The following AGPS variants were observed in gnomAD, a reference collection of about 807,000 sequenced individuals.
AGPS encodes the protein alkylglycerone phosphate synthase, also known as alkyldihydroxyacetonephosphate synthase, peroxisomal.
In AGPS, 26 loss-of-function variants were observed where a neutral mutation model predicts 90.7. That is an observed-to-expected ratio of 0.29 (90% CI 0.21 to 0.40). AGPS has a LOEUF of 0.40. Among genes scored for constraint, AGPS ranks in the 10% least tolerant of loss-of-function variants. AGPS has a pLI of 1.00. For synonymous variants in AGPS, 294 were observed against 285.3 expected (o/e 1.03, Z -0.31); for missense variants, 540 against 816.1 (o/e 0.66, Z 4.12).
At chr2:177,494,509 T>G (rs1279172428) in intron 12 of AGPS, among the ~76,000 whole-genome samples, 2 of 152,226 alleles carry the variant, frequency 1.3e-5, no homozygotes. Flanking sequence ...TTCGTTTATA[T>G]GTTATTGTTG....
chr2:177,538,006 G>A (rs2079199168), intron 19 of AGPS, 68 bp from the exon 20 acceptor site: 1 of 1,578,368 alleles, frequency 6.3e-7, no homozygotes, highest in East Asian at 2.2e-5. Flanking sequence ...GTTCACTCAT[G>A]GTCACAAGAT....
intron 19 of AGPS, among the ~76,000 whole-genome samples, chr2:177,525,717 A>C (rs2079079693): frequency 6.6e-6 from 1 of 152,206 alleles, no homozygotes; most frequent in Non-Finnish European, 1.5e-5. Context: ...ATACAGTGTC[A>C]GAAATTCTCT....
At chr2:177,410,131 C>T (rs1453222099) in intron 1 of AGPS, among the ~76,000 whole-genome samples, 1 of 152,174 alleles carries the variant, frequency 6.6e-6, no homozygotes, top group Admixed American at 6.5e-5. Flanking sequence ...TTCTGTTTCT[C>T]CTGCCGAGTA....
chr2:177,452,334 G>T (rs945214914), intron 8 of AGPS, among the ~76,000 whole-genome samples: 1 of 152,030 alleles, frequency 6.6e-6, no homozygotes, highest in African/African-American at 2.4e-5. Context: ...TTCTATTTTT[G>T]CTTGGTGTAT....
At position 177,461,895 on chromosome 2, in the gene AGPS, T is replaced by G. The variant is rs71421600; in HGVS notation, c.873T>G (p.Leu291=). ...AATGTTAAATTTTTGTTTTTCAGCT[T>G]AAAGAAAGTGGTTATTGTACAGGTC... ...GITGQELERQ[L]KESGYCTGHE... The change falls in exon 9 of 20, where the codon CTT becomes CTG. Residue 291 remains leucine (L), a splice_region_variant and synonymous_variant. Coordinates refer to ENST00000264167, the MANE Select transcript of AGPS (RefSeq NM_003659.4). 1 of 1,610,460 alleles carries G rather than the reference T, an allele frequency of 6.2e-7. No individual in the cohort carries two copies. Among genetic ancestry groups the G allele is most frequent in the Non-Finnish European group, 8.5e-7 (1 of 1,177,766 alleles).
chr2:177,457,925 G>A (rs895164523), intron 8 of AGPS, among the ~76,000 whole-genome samples: 3 of 152,112 alleles, frequency 2.0e-5, no homozygotes, highest in South Asian at 2.1e-4. Context: ...ACATCGATGC[G>A]AAAATCCTTA....
intron 6 of AGPS, 46 bp from the exon 7 acceptor site, chr2:177,442,361 A>G: frequency 1.4e-6 from 2 of 1,434,988 alleles, no homozygotes; most frequent in South Asian, 1.1e-5. Context: ...ATATAGCTAA[A>G]AACAGAATAT....
intron 11 of AGPS, among the ~76,000 whole-genome samples, chr2:177,488,407 A>G (rs1559068877): frequency 6.6e-6 from 1 of 151,924 alleles, no homozygotes; most frequent in African/African-American, 2.4e-5. Context: ...TAGTAGAGAC[A>G]GGGTTTCACC....
At chr2:177,476,946 TATG>T (rs766001609) in intron 10 of AGPS, among the ~76,000 whole-genome samples, 6 of 152,132 alleles carry the variant, frequency 3.9e-5, no homozygotes, top group Non-Finnish European at 5.9e-5. Flanking sequence ...GTCTGTTTCG[TATG>T]ATATTAGTAT....
At chr2:177,421,414 A>G (rs542361505) in intron 2 of AGPS, among the ~76,000 whole-genome samples, 1 of 152,012 alleles carries the variant, frequency 6.6e-6, no homozygotes, top group South Asian at 2.1e-4. Context: ...GAAGTTATTT[A>G]TTTCCTTTTC....
At chr2:177,497,811 C>A in intron 13 of AGPS, 46 bp downstream of exon 13, 1 of 1,058,020 alleles carries the variant, frequency 9.5e-7, no homozygotes. Context: ...CTTAAGATAT[C>A]TGTTTTCTGC....
intron 13 of AGPS, among the ~76,000 whole-genome samples, chr2:177,498,162 G>C (rs1340299022): frequency 6.6e-6 from 1 of 151,474 alleles, no homozygotes; most frequent in East Asian, 1.9e-4. Flanking sequence ...TTGCATCCTT[G>C]TTATTCCATG....
chr2:177,508,619 A>C (rs994057526), intron 16 of AGPS, among the ~76,000 whole-genome samples: 1 of 152,188 alleles, frequency 6.6e-6, no homozygotes, highest in Non-Finnish European at 1.5e-5. Flanking sequence ...AAATACATAC[A>C]TACAGTATTG....
chr2:177,447,321 AC>A (rs1191931328), intron 8 of AGPS, among the ~76,000 whole-genome samples: 30 of 152,132 alleles, frequency 2.0e-4, no homozygotes, highest in Non-Finnish European at 3.1e-4. Context: ...ATAAAATTGA[AC>A]TTATTTGTTG....
chr2:177,489,450 G>A (rs1688188422), intron 11 of AGPS, among the ~76,000 whole-genome samples: 1 of 152,108 alleles, frequency 6.6e-6, no homozygotes, highest in Non-Finnish European at 1.5e-5. Flanking sequence ...AGTGCAGAGA[G>A]TACTAAGTAA....
At chr2:177,399,274 T>C (rs1203419251) in intron 1 of AGPS, among the ~76,000 whole-genome samples, 1 of 152,234 alleles carries the variant, frequency 6.6e-6, no homozygotes, top group African/African-American at 2.4e-5. Context: ...TAACTTCTGC[T>C]GTTATTCCGA....
At chr2:177,467,676 A>G (rs1442076363) in intron 9 of AGPS, among the ~76,000 whole-genome samples, 1 of 152,106 alleles carries the variant, frequency 6.6e-6, no homozygotes, top group Non-Finnish European at 1.5e-5. Flanking sequence ...TATTTTGTGT[A>G]TTGCTTATTG....
intron 16 of AGPS, 83 bp from the exon 17 acceptor site, chr2:177,513,736 G>T: frequency 3.1e-6 from 3 of 983,108 alleles, no homozygotes; most frequent in South Asian, 2.7e-5. Flanking sequence ...AGACTTGAAT[G>T]ATGCCAGATT....
At chr2:177,464,088 T>C (rs1448509326) in intron 9 of AGPS, among the ~76,000 whole-genome samples, 1 of 152,076 alleles carries the variant, frequency 6.6e-6, no homozygotes, top group Non-Finnish European at 1.5e-5. Flanking sequence ...ATTACAGGCA[T>C]GCACCACCAT....
Sources: gnomAD v4.1 joint callset for allele counts (sites outside exome capture counted in the v4.1 genomes callset) on GRCh38, gnomAD v4.1.1 for gene constraint, MANE v1.5 for transcripts, NCBI Gene and HGNC (gene_info 2026-07-23, HGNC 2026-07-21) for gene names.